Variants in CTCF observed in about 807,000 individuals in gnomAD.
The protein encoded by CTCF is CCCTC-binding factor.
A neutral mutation model predicts 72.3 loss-of-function variants in CTCF; 7 were observed. The observed-to-expected ratio is 0.10, with a 90% CI of 0.06 to 0.18. The LOEUF is 0.18. Ranked by LOEUF, CTCF falls within the 10% of genes least tolerant of loss-of-function variation. CTCF has a pLI of 1.00. For missense variants in CTCF, 516 were observed against 949.1 expected (o/e 0.54, Z 6.00); for synonymous variants, 374 against 315.8 (o/e 1.18, Z -1.95).
At chr16:67,586,116 T>C (rs2051665624) in intron 2 of CTCF, among the ~76,000 whole-genome samples, 1 of 152,206 alleles carries the variant, frequency 6.6e-6, no homozygotes, top group Non-Finnish European at 1.5e-5. Context: ...AGTAACATTT[T>C]GAGGCTGGGT....
chr16:67,632,153 T>C (rs767525361), intron 10 of CTCF, among the ~76,000 whole-genome samples: 14 of 151,860 alleles, frequency 9.2e-5, no homozygotes, highest in Non-Finnish European at 1.6e-4. Flanking sequence ...CTCCCAGATA[T>C]TACCAGTGAT....
intron 2 of CTCF, among the ~76,000 whole-genome samples, chr16:67,598,881 A>G (rs906083180): frequency 1.3e-5 from 2 of 152,262 alleles, no homozygotes; most frequent in East Asian, 1.9e-4. Context: ...ATTAAAGGCC[A>G]TTGCTGGCCT....
intron 7 of CTCF, among the ~76,000 whole-genome samples, chr16:67,624,152 T>C (rs1341905230): frequency 6.7e-6 from 1 of 150,142 alleles, no homozygotes; most frequent in African/African-American, 2.5e-5. Context: ...TGTGTATATA[T>C]GTGTGTATAT....
intron 2 of CTCF, among the ~76,000 whole-genome samples, chr16:67,602,678 C>G (rs1296150495): frequency 6.6e-6 from 1 of 151,728 alleles, no homozygotes; most frequent in African/African-American, 2.4e-5. Flanking sequence ...CCTGTCTCTC[C>G]TAAAAATATA....
intron 2 of CTCF, among the ~76,000 whole-genome samples, chr16:67,592,439 C>T (rs2051757516): frequency 6.6e-6 from 1 of 151,734 alleles, no homozygotes; most frequent in Non-Finnish European, 1.5e-5. Flanking sequence ...GGCACAGTGG[C>T]TCATGCCTGT....
At chr16:67,579,976 C>CT (rs1188577647) in intron 2 of CTCF, among the ~76,000 whole-genome samples, 4 of 152,082 alleles carry the variant, frequency 2.6e-5, no homozygotes, top group African/African-American at 4.8e-5. Flanking sequence ...AGAGTTTGGA[C>CT]TTTAAGAGTT....
At chr16:67,592,038 C>T (rs1466353711) in intron 2 of CTCF, among the ~76,000 whole-genome samples, 2 of 151,828 alleles carry the variant, frequency 1.3e-5, no homozygotes, top group South Asian at 2.1e-4. Flanking sequence ...GCTTTTTTTC[C>T]CCTCCTTGTC....
chr16:67,602,199 A>C (rs375914658), intron 2 of CTCF, among the ~76,000 whole-genome samples: 1 of 152,108 alleles, frequency 6.6e-6, no homozygotes, highest in Non-Finnish European at 1.5e-5. Flanking sequence ...TAAGTTTTCA[A>C]ATTCACACCA....
rs533563371 is a variant in CTCF, at chr16:67,638,942, C to T, written c.*1070C>T. On this transcript the variant is annotated 3_prime_UTR_variant, in exon 12 of 12. Transcript: ENST00000264010. The stretch of plus-strand genomic sequence containing the variant: ...GTTTAAAAATGTGTTTTTTAGAGAG[C>T]CTCAGTCTTACTGATTTCAAACACT... 4.9e-6 allele frequency: 1 copy of T among 204,540 alleles called. No homozygotes were observed. The highest frequency in any genetic ancestry group is 2.3e-5 in the African/African-American group (1 of 43,678). 12.7% of individuals were successfully genotyped at this position (204,540 alleles called of 1,614,324 possible).
At chr16:67,568,368 C>G (rs1172071387) in intron 1 of CTCF, 1 of 151,658 alleles carries the variant, frequency 6.6e-6, no homozygotes, top group Non-Finnish European at 1.5e-5. Flanking sequence ...ACGTGAGCCA[C>G]CATGCCTGGC....
intron 1 of CTCF, among the ~76,000 whole-genome samples, chr16:67,566,552 C>T (rs1440184876): frequency 2.0e-5 from 3 of 147,444 alleles, no homozygotes; most frequent in Non-Finnish European, 4.5e-5. Flanking sequence ...ATTAGTCTTA[C>T]CACATTTGTT....
chr16:67,634,293 C>T (rs1452289779), intron 10 of CTCF, among the ~76,000 whole-genome samples: 6 of 151,888 alleles, frequency 4.0e-5, no homozygotes, highest in Non-Finnish European at 7.4e-5. Context: ...CTGCAACCTC[C>T]GCCTCCCAGG....
intron 2 of CTCF, among the ~76,000 whole-genome samples, chr16:67,592,942 G>A (rs1236717910): frequency 1.3e-5 from 2 of 149,556 alleles, no homozygotes; most frequent in Non-Finnish European, 3.0e-5. Flanking sequence ...CAGGAGAATC[G>A]GTTGAACCTG....
At chr16:67,562,960 G>C (rs987870694) in intron 1 of CTCF, among the ~76,000 whole-genome samples, 10 of 122,294 alleles carry the variant, frequency 8.2e-5, no homozygotes, top group Non-Finnish European at 1.7e-4. Flanking sequence ...CTCCCTCCTG[G>C]CAGCGCGCTA....
intron 2 of CTCF, among the ~76,000 whole-genome samples, chr16:67,580,339 A>C (rs1249541417): frequency 1.3e-5 from 2 of 151,960 alleles, no homozygotes; most frequent in African/African-American, 4.8e-5. Flanking sequence ...GCTCCTGAGT[A>C]GCTAGGAGTG....
intron 2 of CTCF, among the ~76,000 whole-genome samples, chr16:67,604,064 A>C (rs1773184335): frequency 6.6e-6 from 1 of 150,554 alleles, no homozygotes; most frequent in Non-Finnish European, 1.5e-5. Context: ...CAGGAAGTCA[A>C]GGCTGCAATG....
chr16:67,625,635 T>C (rs2052272820), intron 7 of CTCF, among the ~76,000 whole-genome samples: 1 of 152,238 alleles, frequency 6.6e-6, no homozygotes, highest in Admixed American at 6.5e-5. Context: ...TAAGCATAGC[T>C]GCTTTCAAAT....
At chr16:67,569,439 C>T (rs570990286) in intron 1 of CTCF, among the ~76,000 whole-genome samples, 86 of 149,092 alleles carry the variant, frequency 5.8e-4, no homozygotes, top group African/African-American at 2.1e-3. Context: ...CCGCTTTGGC[C>T]TCCCAAAGTG....
chr16:67,575,470 G>T (rs1025288031), intron 2 of CTCF, among the ~76,000 whole-genome samples: 2 of 151,914 alleles, frequency 1.3e-5, no homozygotes, highest in African/African-American at 4.8e-5. Context: ...TTGAGAGATG[G>T]AGTCTCGCTC....
Sources: gnomAD v4.1 joint callset for allele counts (sites outside exome capture counted in the v4.1 genomes callset) on GRCh38, gnomAD v4.1.1 for gene constraint, MANE v1.5 for transcripts, NCBI Gene and HGNC (gene_info 2026-07-23, HGNC 2026-07-21) for gene names.